KLRG1: variants seen among roughly 807,000 people sequenced by gnomAD.
KLRG1 encodes killer cell lectin like receptor G1, also known as killer cell lectin-like receptor subfamily G member 1.
Under a neutral mutation model 21.8 loss-of-function variants are expected in KLRG1, and 16 were observed. That is an observed-to-expected ratio of 0.73 (90% CI 0.50 to 1.11). The LOEUF (loss-of-function observed/expected upper bound fraction) is 1.11, where lower values mean the gene tolerates loss of function less well. Among genes scored for constraint, KLRG1 ranks in the 50% most tolerant of loss-of-function variants. KLRG1 has a pLI of 0.00. For synonymous variants in KLRG1, 69 were observed against 75.9 expected (o/e 0.91, Z 0.47); for missense variants, 173 against 218.3 (o/e 0.79, Z 1.31).
At chr12:9,030,645 A>G in the KLRG1 span, among the ~76,000 whole-genome samples, 1 of 152,156 alleles carries the variant, frequency 6.6e-6, no homozygotes, top group Non-Finnish European at 1.5e-5. Flanking sequence ...TAACCTTGTG[A>G]TCTGCCCGCC....
chr12:8,995,155 GC>G lies in KLRG1; in HGVS notation c.227del (p.Pro76GlnfsTer5). On this transcript the variant is annotated frameshift_variant, in exon 3 of 5. Transcript: ENST00000356986. LOFTEE classifies it high-confidence loss of function. ...NYSTCASCPSCPDRWMKYGNH... is the reference protein window; with the variant it reads ...NYSTCASCPSXPDRWMKYGNH... ...TCCACTTGTGCCAGCTGTCCTAGCT[GC>G]CCAGACCGCTGGATGAAATATGGTA... is the stretch of plus-strand genomic sequence containing the variant. 6.2e-7 allele frequency: 1 copy of G among 1,612,606 alleles called. No homozygotes were observed. Among genetic ancestry groups the G allele is most frequent in the South Asian group, 1.1e-5 (1 of 90,788 alleles).
the KLRG1 span, among the ~76,000 whole-genome samples, chr12:9,178,219 C>T: frequency 6.6e-6 from 1 of 152,158 alleles, no homozygotes; most frequent in South Asian, 2.1e-4. Context: ...ACAATTCATA[C>T]GTTTTAAATT....
chr12:9,107,451 A>G, the KLRG1 span: 2 of 1,564,672 alleles, frequency 1.3e-6, no homozygotes, highest in African/African-American at 1.4e-5. Context: ...CTGCGTCAGA[A>G]AAATGCTGCA....
At chr12:9,138,935 T>C in the KLRG1 span, among the ~76,000 whole-genome samples, 3 of 152,130 alleles carry the variant, frequency 2.0e-5, no homozygotes, top group African/African-American at 7.2e-5. Flanking sequence ...TTTTATTTAT[T>C]TCTTCTCTAA....
chr12:9,116,311 G>A, the KLRG1 span: 1 of 214,798 alleles, frequency 4.7e-6, no homozygotes. Context: ...CAGTGTGGCT[G>A]CAAGTTCTCC....
chr12:9,110,862 C>T, the KLRG1 span, among the ~76,000 whole-genome samples: 1 of 152,138 alleles, frequency 6.6e-6, no homozygotes, highest in Non-Finnish European at 1.5e-5. Context: ...ACTTACTAGG[C>T]CTTCAGCAAC....
At chr12:9,077,335 G>A in the KLRG1 span, 8 of 1,610,020 alleles carry the variant, frequency 5.0e-6, no homozygotes, top group Non-Finnish European at 6.8e-6. Flanking sequence ...GAGGAATGGG[G>A]TGGTACCTAC....
At chr12:9,080,199 A>G in the KLRG1 span, 1 of 1,482,400 alleles carries the variant, frequency 6.7e-7, no homozygotes, top group South Asian at 1.2e-5. Flanking sequence ...AGCAAATCAG[A>G]CATATGAAAA....
chr12:9,149,546 G>A, the KLRG1 span: 1 of 1,609,856 alleles, frequency 6.2e-7, no homozygotes, highest in Non-Finnish European at 8.5e-7. Context: ...CTGGTCATAA[G>A]TGGTGAACTC....
At chr12:8,993,635 G>A (rs1947044679) in intron 2 of KLRG1, among the ~76,000 whole-genome samples, 1 of 152,118 alleles carries the variant, frequency 6.6e-6, no homozygotes, top group South Asian at 2.1e-4. Context: ...CTACCTCAGA[G>A]CCAAGTCCGA....
At chr12:8,972,534 T>C (rs749018576) in intron 1 of KLRG1, among the ~76,000 whole-genome samples, 1 of 152,346 alleles carries the variant, frequency 6.6e-6, no homozygotes, top group South Asian at 2.1e-4. Flanking sequence ...CATGTAGATA[T>C]CTGGTTTTCC....
At chr12:9,208,199 G>A in the KLRG1 span, 34 of 1,336,384 alleles carry the variant, frequency 2.5e-5, no homozygotes, top group Admixed American at 1.0e-4. Context: ...AAGGCAAAGC[G>A]AAGACACAAG....
chr12:9,156,235 G>C, the KLRG1 span: 9 of 202,954 alleles, frequency 4.4e-5, no homozygotes, highest in East Asian at 9.2e-4. Flanking sequence ...CAACACCAAT[G>C]ATTACTCTGC....
the KLRG1 span, chr12:9,170,083 C>T: frequency 6.6e-6 from 1 of 152,392 alleles, no homozygotes; most frequent in South Asian, 2.1e-4. The surrounding 1 kb of genome is among the most constrained non-coding windows in gnomAD (Gnocchi z 4.6). Context: ...AATGCAGCAC[C>T]TTCAACTGAA....
At chr12:9,100,427 CTTAT>C in the KLRG1 span, among the ~76,000 whole-genome samples, 161 of 151,632 alleles carry the variant, frequency 1.1e-3, no homozygotes, top group South Asian at 4.4e-3. Flanking sequence ...CCCCTTTGTT[CTTAT>C]TTATTTATTT....
At chr12:9,066,682 A>C in the KLRG1 span, 1 of 152,186 alleles carries the variant, frequency 6.6e-6, no homozygotes, top group Non-Finnish European at 1.5e-5. Flanking sequence ...CTGATATGTT[A>C]ATTCTATTCT....
At chr12:9,055,288 A>G in the KLRG1 span, among the ~76,000 whole-genome samples, 1 of 152,258 alleles carries the variant, frequency 6.6e-6, no homozygotes, top group Non-Finnish European at 1.5e-5. Flanking sequence ...GTGCTAAAAT[A>G]AACCATTTCT....
chr12:9,109,189 A>G, the KLRG1 span: 1 of 637,910 alleles, frequency 1.6e-6, no homozygotes. Context: ...AACATTCTAC[A>G]GATGAGGATG....
chr12:9,187,913 G>A, the KLRG1 span, among the ~76,000 whole-genome samples: 3 of 152,216 alleles, frequency 2.0e-5, no homozygotes, highest in Non-Finnish European at 4.4e-5. Flanking sequence ...CCGTCCCAGG[G>A]AAATGTAAAG....
Sources: allele counts gnomAD v4.1 joint callset (sites outside exome capture counted in the v4.1 genomes callset), GRCh38; gene constraint gnomAD v4.1.1; non-coding constraint Gnocchi (gnomAD v3.1); transcripts MANE v1.5; gene names NCBI Gene and HGNC (gene_info 2026-07-23, HGNC 2026-07-21).